The following SLC35B1 variants were observed in gnomAD, a reference collection of about 807,000 sequenced individuals.
SLC35B1 encodes the protein ATP/ADP exchanger ER.
A neutral mutation model predicts 36.6 loss-of-function variants in SLC35B1; 27 were observed. The ratio of observed to expected loss-of-function variants is 0.74; its 90% CI spans 0.54 to 1.02. The LOEUF (loss-of-function observed/expected upper bound fraction) is 1.02, where lower values mean the gene tolerates loss of function less well. Among genes scored for constraint, SLC35B1 ranks in the 50% least tolerant of loss-of-function variants. SLC35B1 has a pLI of 0.00. For missense variants in SLC35B1, 321 were observed against 383.2 expected (o/e 0.84, Z 1.35); for synonymous variants, 162 against 152.5 (o/e 1.06, Z -0.46).
intron 2 of SLC35B1, 150 bp downstream of exon 2, chr17:49,706,814 GT>G: frequency 1.6e-6 from 1 of 614,320 alleles, no homozygotes; most frequent in South Asian, 2.1e-5. Context: ...AAAGTCATTA[GT>G]TTTACAGACT....
chr17:49,705,845 AAGACCATCTTCT>A lies in SLC35B1; in HGVS notation c.370+9_370+20del. The A allele has an allele frequency of 1.2e-6, 2 of 1,611,232 alleles. No individual in the cohort carries two copies. Among genetic ancestry groups the A allele is most frequent in the Non-Finnish European group, 1.7e-6 (2 of 1,177,330 alleles). ...ATAGGAAGAGTGACGACAGAAGAGG[AAGACCATCTTCT>A]TTGCTTACCTGGGATTGGCTTGCAG... is the stretch of plus-strand genomic sequence containing the variant. On this transcript the variant is annotated intron_variant, in intron 4 of 8. Coordinates refer to ENST00000240333, the MANE Select transcript of SLC35B1 (RefSeq NM_005827.4).
intron 5 of SLC35B1, 152 bp from the exon 6 acceptor site, chr17:49,704,378 T>G (rs930787500): frequency 5.2e-6 from 5 of 964,408 alleles, no homozygotes; most frequent in Admixed American, 5.2e-5. Context: ...AGGTGGAAGG[T>G]GGGGAGAGAC....
rs1410604486 is a variant in SLC35B1 at position 49,707,775 on chromosome 17, C to A, written c.59G>T (p.Gly20Val). 6.2e-7 allele frequency: 1 copy of A among 1,612,120 alleles called. No homozygotes were observed. The highest frequency in any genetic ancestry group is 1.7e-5 in the Admixed American group (1 of 60,024). ...DRLRLPLCFL[G>V]VFVCYFYYGI... ...ATAGTAAAAATAGCAGACAAAGACA[C>A]CCAGGAAGCAGAGCGGCAGGCGCAG... is the stretch of plus-strand genomic sequence containing the variant. Residue 20 changes from glycine (G) to valine (V), a missense_variant, in exon 1 of 9, where the codon GGT (glycine) becomes GTT (valine). By Grantham distance (109) the Gly-to-Val change is moderately radical. Transcript: ENST00000240333.
chr17:49,707,681 C>T, intron 1 of SLC35B1, 49 bp downstream of exon 1: 1 of 1,587,414 alleles, frequency 6.3e-7, no homozygotes, highest in Admixed American at 1.8e-5. Context: ...CCCGGGATCC[C>T]TGTCACAGGC....
At chr17:49,705,973 G>C (rs1446285625) in intron 3 of SLC35B1, 77 bp from the exon 4 acceptor site, 1 of 1,478,648 alleles carries the variant, frequency 6.8e-7, no homozygotes. Flanking sequence ...CACTGATTAA[G>C]ATGAGTAAGC....
Position 49,705,145 on chromosome 17 carries a change from G to A in SLC35B1, c.507C>T (p.Val169=), listed in dbSNP as rs150721486. 5.4e-4 allele frequency: 864 copies of A among 1,613,978 alleles called. 1 individual carries two copies. Among genetic ancestry groups the A allele is most frequent in the Non-Finnish European group, 7.0e-4 (830 of 1,180,024 alleles). Residue 169 remains valine, a synonymous_variant, in exon 5 of 9, where the codon GTC becomes GTT. Coordinates refer to ENST00000240333, the MANE Select transcript of SLC35B1 (RefSeq NM_005827.4). ...ATACCAAGAGTAGCTCTCCATAGCC[G>A]ACTGTGTGTTCTTCTATCCCAACAA... is the stretch of plus-strand genomic sequence containing the variant. The part of the protein sequence containing the change: ...KKVVGIEEHT[V]GYGELLLLLS...
rs768047725 is a variant in SLC35B1, at chr17:49,706,258, C to G, written c.285G>C (p.Leu95=). 2.5e-6 allele frequency: 4 copies of G among 1,607,444 alleles called. No individual in the cohort carries two copies. Among genetic ancestry groups the G allele is most frequent in the Non-Finnish European group, 3.4e-6 (4 of 1,178,908 alleles). ...CTGAATTGCTGGAGACCATGGCACC[C>G]AGATAGGAGATAGAACAGGCAGCAT... is the stretch of plus-strand genomic sequence containing the variant. ...WLYAACSISY[L]GAMVSSNSAL... Residue 95 remains leucine (L), a synonymous_variant, in exon 3 of 9, where the codon CTG becomes CTC. Coordinates refer to ENST00000240333, the MANE Select transcript of SLC35B1 (RefSeq NM_005827.4).
chr17:49,702,900 T>C lies in SLC35B1; in HGVS notation c.874A>G (p.Ile292Val), dbSNP rs777848184. 24 of 1,613,960 alleles carry C rather than the reference T, an allele frequency of 1.5e-5. No homozygotes were observed. Among genetic ancestry groups the C allele is most frequent in the Non-Finnish European group, 2.0e-5 (24 of 1,180,016 alleles). The change falls in exon 8 of 9, where the codon ATC (isoleucine) becomes GTC (valine). Residue 292 changes from isoleucine (I) to valine (V), a missense_variant. Ile to Val is a conservative substitution (Grantham distance 29). Coordinates refer to ENST00000240333, the MANE Select transcript of SLC35B1 (RefSeq NM_005827.4). ...GTGCCCACCCACTGCATGGGGCTGATGGGATTGGCGAAGAGGATCACAGAG... is the reference window on the plus strand; with the variant it reads ...GTGCCCACCCACTGCATGGGGCTGACGGGATTGGCGAAGAGGATCACAGAG... ...LASVILFANP[I>V]SPMQWVGTVL...
chr17:49,703,465 G>A (rs2073378240), intron 6 of SLC35B1, 171 bp from the exon 7 acceptor site: 2 of 568,706 alleles, frequency 3.5e-6, no homozygotes, highest in Admixed American at 5.6e-5. Context: ...TCTCATCATT[G>A]ATTCTTCTCA....
chr17:49,703,038 G>C, intron 7 of SLC35B1, 27 bp from the exon 8 acceptor site: 1 of 1,613,614 alleles, frequency 6.2e-7, no homozygotes, highest in Admixed American at 1.7e-5. Flanking sequence ...GTGAGGTCCG[G>C]TGGGCTTCTG....
chr17:49,704,746 C>T (rs538390927), intron 5 of SLC35B1, among the ~76,000 whole-genome samples: 12 of 152,270 alleles, frequency 7.9e-5, no homozygotes, highest in African/African-American at 2.6e-4. Context: ...GTAAAACACT[C>T]GGAACAGTGC....
upstream of SLC35B1, chr17:49,707,974 G>C (rs748998433): frequency 6.5e-6 from 10 of 1,529,042 alleles, no homozygotes; most frequent in South Asian, 4.8e-5. Context: ...TGTCCAGCAG[G>C]GCCCAGCAGT....
chr17:49,706,389 AAAC>A lies in SLC35B1; in HGVS notation c.209-58_209-56del, dbSNP rs1366233002. On this transcript the variant is annotated intron_variant, in intron 2 of 8. Transcript: ENST00000240333. ...AAGAAAAGAAAAGAAAAAAAAAAAAAAACAAGAGAAACCTGGTGGGGCTAGGAT... is the reference window on the plus strand; with the variant it reads ...AAGAAAAGAAAAGAAAAAAAAAAAAAAAGAGAAACCTGGTGGGGCTAGGAT... The A allele has an allele frequency of 1.4e-5, 20 of 1,423,058 alleles. No homozygotes were observed. The East Asian group carries it at 4.7e-4, about 33-fold the overall frequency. 88.2% of individuals were successfully genotyped at this position (1,423,058 alleles called of 1,614,324 possible). A position where few individuals can be genotyped will look rare whatever the true frequency, so the allele number is the denominator to read the frequency against.
intron 2 of SLC35B1, among the ~76,000 whole-genome samples, chr17:49,706,559 T>C (rs547678601): frequency 6.6e-6 from 1 of 152,050 alleles, no homozygotes; most frequent in East Asian, 1.9e-4. Context: ...AAAGACCACA[T>C]GCAGGGTGGA....
upstream of SLC35B1, chr17:49,708,109 C>G (rs905462220): frequency 1.7e-5 from 12 of 715,380 alleles, no homozygotes; most frequent in African/African-American, 1.7e-4. Flanking sequence ...GGGGAACCGG[C>G]AGCCTCGAGA....
At position 49,707,876 on chromosome 17, in the gene SLC35B1, C is replaced by G. The variant is rs558517197; in HGVS notation, c.-43G>C. The G allele has an allele frequency of 1.2e-6, 2 of 1,607,730 alleles. No homozygotes were observed. The highest frequency in any genetic ancestry group is 1.1e-5 in the South Asian group (1 of 90,642). ...CGACTGGAGACCCGCTCACAACCGG[C>G]ACCGGCAGCAGCGGCGGCGGAGGCG... On this transcript the variant is annotated 5_prime_UTR_variant, in exon 1 of 9. Transcript: ENST00000240333.
Position 49,707,081 on chromosome 17 carries a change from T to C in SLC35B1, c.105-13A>G, listed in dbSNP as rs1251992310. The C allele has an allele frequency of 1.3e-6, 2 of 1,597,262 alleles. No individual in the cohort carries two copies. The highest frequency in any genetic ancestry group is 1.3e-5 in the African/African-American group (1 of 74,720). On this transcript the variant is annotated splice_polypyrimidine_tract_variant and intron_variant, in intron 1 of 8. Coordinates refer to ENST00000240333, the MANE Select transcript of SLC35B1 (RefSeq NM_005827.4). Reference sequence around the variant, plus strand: ...CTTTCCTCTTGTTCTAGAAATGAAATGCATGAGAAAAGAGGGAGAAATTAG... The same window carrying C: ...CTTTCCTCTTGTTCTAGAAATGAAACGCATGAGAAAAGAGGGAGAAATTAG...
upstream of SLC35B1, chr17:49,707,965 G>C: frequency 6.5e-7 from 1 of 1,541,760 alleles, no homozygotes; most frequent in Non-Finnish European, 8.8e-7. Flanking sequence ...TGCGACCGCT[G>C]TCCAGCAGGG....
chr17:49,701,716 AAATAT>A, intron 8 of SLC35B1: 1 of 512,292 alleles, frequency 2.0e-6, no homozygotes, highest in South Asian at 2.7e-5. Flanking sequence ...GTATCTATAT[AAATAT>A]ATCTATATAG....
Sources: allele counts gnomAD v4.1 joint callset (sites outside exome capture counted in the v4.1 genomes callset), GRCh38; gene constraint gnomAD v4.1.1; transcripts MANE v1.5; gene names NCBI Gene and HGNC (gene_info 2026-07-23, HGNC 2026-07-21).